The following SLC2A9 variants were observed in gnomAD, a reference collection of about 807,000 sequenced individuals.
The protein encoded by SLC2A9 is solute carrier family 2, facilitated glucose transporter member 9.
SLC2A9 carries 39 observed loss-of-function variants against 50.6 expected under a neutral mutation model. That is an observed-to-expected ratio of 0.77 (90% CI 0.60 to 1.01). The LOEUF is 1.01. Among genes scored for constraint, SLC2A9 ranks in the 50% least tolerant of loss-of-function variants. The pLI is 0.00. For missense variants in SLC2A9, 686 were observed against 677.6 expected, an observed-to-expected ratio of 1.01 and a Z score of -0.14; for synonymous variants, 324 against 276.9, an observed-to-expected ratio of 1.17 and a Z score of -1.69.
intron 8 of SLC2A9, among the ~76,000 whole-genome samples, chr4:9,892,990 T>C (rs994250012): frequency 6.6e-6 from 1 of 152,188 alleles, no homozygotes; most frequent in Non-Finnish European, 1.5e-5. Flanking sequence ...TTTGCTCCAT[T>C]TTACAGGTAA....
chr4:9,827,722 A>T (rs1725365297), intron 11 of SLC2A9, among the ~76,000 whole-genome samples: 2 of 152,200 alleles, frequency 1.3e-5, no homozygotes, highest in African/African-American at 4.8e-5. Context: ...TGCCACATGC[A>T]GTAAATGTTC....
At chr4:10,013,845 A>C (rs1762174368) in intron 2 of SLC2A9, among the ~76,000 whole-genome samples, 2 of 152,314 alleles carry the variant, frequency 1.3e-5, no homozygotes, top group African/African-American at 4.8e-5. Flanking sequence ...ACAGCTGGAA[A>C]GGCGAAGCTG....
intron 2 of SLC2A9, among the ~76,000 whole-genome samples, chr4:10,011,066 T>C (rs986335481): frequency 6.6e-6 from 1 of 152,226 alleles, no homozygotes; most frequent in African/African-American, 2.4e-5. Context: ...TCAGCTACTC[T>C]TGAACCCCTC....
rs138323944 is a variant in SLC2A9 at position 10,033,305 on chromosome 4, T to C, written c.-41+6825A>G. ...CCCGGCTGCTTCCCACCTTCCTGTCTCCATTGGAGGCTCATCTATCTACTC... is the reference window on the plus strand; with the variant it reads ...CCCGGCTGCTTCCCACCTTCCTGTCCCCATTGGAGGCTCATCTATCTACTC... On this transcript the variant is annotated intron_variant, in intron 1 of 12. Coordinates refer to the SLC2A9 transcript ENST00000309065. 6.1e-3 allele frequency among the ~76,000 whole-genome samples: 927 copies of C among 152,224 alleles called. 4 individuals carry two copies. Among genetic ancestry groups the C allele is most frequent in the Non-Finnish European group, 9.1e-3 (616 of 68,012 alleles).
chr4:9,875,984 T>A (rs1277399860), intron 10 of SLC2A9, among the ~76,000 whole-genome samples: 1 of 152,214 alleles, frequency 6.6e-6, no homozygotes, highest in Non-Finnish European at 1.5e-5. Flanking sequence ...CCTGTTTGGT[T>A]CTCAGAATCT....
At chr4:9,981,958 C>G (rs985660567) in intron 4 of SLC2A9, among the ~76,000 whole-genome samples, 3 of 151,934 alleles carry the variant, frequency 2.0e-5, no homozygotes, top group Non-Finnish European at 4.4e-5. Flanking sequence ...CTCGGCTCAC[C>G]ACAACTTCCA....
At chr4:9,889,904 A>G (rs921453973) in intron 9 of SLC2A9, among the ~76,000 whole-genome samples, 1 of 152,148 alleles carries the variant, frequency 6.6e-6, no homozygotes, top group African/African-American at 2.4e-5. Context: ...AACCTTGGGA[A>G]GCTTATTTAT....
chr4:9,781,259 A>G (rs1027762438), intron 3 of SLC2A9, among the ~76,000 whole-genome samples: 1 of 152,204 alleles, frequency 6.6e-6, no homozygotes, highest in Non-Finnish European at 1.5e-5. Context: ...AGAGCCAGGA[A>G]TAAAGTCCGG....
At position 10,008,018 on chromosome 4, in the gene SLC2A9, G is replaced by A. The variant is rs1188845160; in HGVS notation, c.249+10957C>T. Among the ~76,000 whole-genome samples, 7 of 152,110 alleles carry A rather than the reference G, an allele frequency of 4.6e-5. No individual in the cohort carries two copies. In the East Asian group the frequency reaches 9.6e-4, roughly 21 times the overall value. Reference sequence around the variant, plus strand: ...GGGTGCTTCTAGTTTCACTTGTCTGGTTTGTTCACACCAGCTGTGCAACTC... The same window carrying A: ...GGGTGCTTCTAGTTTCACTTGTCTGATTTGTTCACACCAGCTGTGCAACTC... On this transcript the variant is annotated intron_variant, in intron 2 of 11. Transcript: ENST00000264784.
chr4:9,848,258 A>G (rs1253254120), intron 10 of SLC2A9, among the ~76,000 whole-genome samples: 2 of 152,210 alleles, frequency 1.3e-5, no homozygotes, highest in African/African-American at 4.8e-5. Context: ...AGGATAAAGA[A>G]GCAATGGCGC....
chr4:9,789,155 A>T (rs972039506), intron 3 of SLC2A9, among the ~76,000 whole-genome samples: 3 of 152,072 alleles, frequency 2.0e-5, no homozygotes, highest in Non-Finnish European at 4.4e-5. Flanking sequence ...AAAAACCATC[A>T]CCTCTCGTTC....
At chr4:9,802,498 A>C (rs1721564251) in intron 3 of SLC2A9, among the ~76,000 whole-genome samples, 1 of 151,982 alleles carries the variant, frequency 6.6e-6, no homozygotes, top group South Asian at 2.1e-4. Flanking sequence ...GCTTATTAGC[A>C]TAATTAGCAT....
intron 3 of SLC2A9, among the ~76,000 whole-genome samples, chr4:9,792,163 C>CTTT (rs34289788): frequency 0.086 from 6,587 of 76,784 alleles, 68 homozygotes; most frequent in Non-Finnish European, 0.11. Flanking sequence ...TTCTATGTTT[C>CTTT]TTTTTTTTTT....
At chr4:9,903,445 G>A (rs577711315) in intron 8 of SLC2A9, among the ~76,000 whole-genome samples, 1 of 152,002 alleles carries the variant, frequency 6.6e-6, no homozygotes, top group South Asian at 2.1e-4. Context: ...CCTGAATGAC[G>A]CTCACTGGAA....
At chr4:9,996,698 G>T (rs1289516581) in intron 3 of SLC2A9, 83 bp downstream of exon 3, 7 of 1,530,448 alleles carry the variant, frequency 4.6e-6, no homozygotes, top group Middle Eastern at 3.4e-4. Context: ...GTGGAGTTCT[G>T]TTGCCTGTCA....
chr4:9,844,223 T>G (rs1340474573), intron 10 of SLC2A9, among the ~76,000 whole-genome samples: 1 of 150,054 alleles, frequency 6.7e-6, no homozygotes, highest in Non-Finnish European at 1.5e-5. Context: ...AGAGGTGATA[T>G]GGATTGAGGT....
chr4:10,012,536 G>A (rs1761932570), intron 2 of SLC2A9, among the ~76,000 whole-genome samples: 1 of 152,228 alleles, frequency 6.6e-6, no homozygotes, highest in Non-Finnish European at 1.5e-5. Context: ...CATATCTCAG[G>A]TAGTGTTAAA....
At chr4:9,951,978 C>T (rs1750365211) in intron 5 of SLC2A9, among the ~76,000 whole-genome samples, 1 of 152,240 alleles carries the variant, frequency 6.6e-6, no homozygotes, top group Admixed American at 6.5e-5. Context: ...TGTGCCACGG[C>T]TCAGCTCATA....
chr4:9,803,812 G>T (rs763607978), intron 3 of SLC2A9, among the ~76,000 whole-genome samples: 27 of 152,166 alleles, frequency 1.8e-4, no homozygotes, highest in Admixed American at 4.6e-4. Flanking sequence ...TCTCAATAAA[G>T]AATTGTTGGA....
Sources: allele counts gnomAD v4.1 joint callset (sites outside exome capture counted in the v4.1 genomes callset), GRCh38; gene constraint gnomAD v4.1.1; transcripts MANE v1.5; gene names NCBI Gene and HGNC (gene_info 2026-07-23, HGNC 2026-07-21).